PIWIL3: variants seen among roughly 807,000 people sequenced by gnomAD.
PIWIL3 encodes the protein piwi like RNA-mediated gene silencing 3, also known as piwi-like protein 3.
In PIWIL3, 101 loss-of-function variants were observed where a neutral mutation model predicts 109.7. The observed-to-expected ratio is 0.92, with a 90% CI of 0.78 to 1.09. The LOEUF is 1.09. Among genes scored for constraint, PIWIL3 ranks in the 50% least tolerant of loss-of-function variants. The probability of loss-of-function intolerance (pLI) is 0.00; values close to 1 mark genes in which losing one functional copy is unlikely to be tolerated. For synonymous variants in PIWIL3, 373 were observed against 376.4 expected (o/e 0.99, Z 0.10); for missense variants, 1,031 against 1,072.6 (o/e 0.96, Z 0.54).
chr22:24,770,739 G>A (rs1314563525), intron 1 of PIWIL3, among the ~76,000 whole-genome samples: 2 of 151,758 alleles, frequency 1.3e-5, no homozygotes, highest in Non-Finnish European at 2.9e-5. Context: ...GGAGGCTGAG[G>A]CAGGAGAATT....
intron 14 of PIWIL3, among the ~76,000 whole-genome samples, chr22:24,729,879 T>C (rs1923230031): frequency 6.6e-6 from 1 of 152,246 alleles, no homozygotes; most frequent in East Asian, 1.9e-4. Context: ...TAGCTTTTGG[T>C]GTTTCATATT....
At chr22:24,760,095 C>T in intron 2 of PIWIL3, 106 bp from the exon 3 acceptor site, 1 of 1,447,008 alleles carries the variant, frequency 6.9e-7, no homozygotes, top group Non-Finnish European at 9.4e-7. Context: ...CTCTGAAAAG[C>T]TCACATTCCA....
chr22:24,751,627 C>T, intron 8 of PIWIL3, 129 bp from the exon 9 acceptor site: 1 of 1,430,036 alleles, frequency 7.0e-7, no homozygotes, highest in Admixed American at 2.6e-5. Flanking sequence ...ATGTAATTCA[C>T]ATACTGTACA....
rs138242348 is a variant in PIWIL3, at chr22:24,727,690, G to A, written c.2009+260C>T. Among the ~76,000 whole-genome samples the A allele has an allele frequency of 6.8e-3, 1,032 of 152,294 alleles. 7 individuals carry two copies. Among genetic ancestry groups the A allele is most frequent in the Non-Finnish European group, 0.011 (749 of 68,028 alleles). On this transcript the variant is annotated intron_variant, in intron 16 of 20. Transcript: ENST00000616349. ...CCAGGTGTCTGATCAGAAGAACCGT[G>A]CAGATAAAGACAGGCATTGTCATAA...
Position 24,719,389 on chromosome 22 carries a change from A to T in PIWIL3, c.*83T>A. 9.0e-7 allele frequency: 1 copy of T among 1,108,194 alleles called. No individual in the cohort carries two copies. The highest frequency in any genetic ancestry group is 1.3e-6 in the Non-Finnish European group (1 of 771,990). The allele number at this position is 1,108,194 out of a possible 1,614,324, so 68.6% of individuals were successfully genotyped here. On this transcript the variant is annotated 3_prime_UTR_variant, in exon 21 of 21. Transcript: ENST00000616349. ...AGAATTTAATGCTATGGACCTAGGA[A>T]AATATTTCAGACATCCTGCTTCAAA...
rs1483601467 is a variant in PIWIL3, at chr22:24,749,449, C to G, written c.1289G>C (p.Arg430Thr). 1 of 1,613,868 alleles carries G rather than the reference C, an allele frequency of 6.2e-7. No homozygotes were observed. The highest frequency in any genetic ancestry group is 1.3e-5 in the African/African-American group (1 of 75,030). ...ELAKHTRLSPRRRHHTLKEFI... is the reference protein window; with the variant it reads ...ELAKHTRLSPTRRHHTLKEFI... Reference sequence around the variant, plus strand: ...TTCTTTTAATGTATGATGCCTTCTTCTTGGACTCAATCTTGTATGTTTAGC... The same window carrying G: ...TTCTTTTAATGTATGATGCCTTCTTGTTGGACTCAATCTTGTATGTTTAGC... The change falls in exon 11 of 21, where the codon AGA becomes ACA. Residue 430 changes from arginine to threonine, a missense_variant. Arg to Thr is a moderately conservative substitution (Grantham distance 71). Transcript: ENST00000616349.
rs138413643 is a variant in PIWIL3 at position 24,751,106 on chromosome 22, G to A, written c.1089+281C>T. ...GCCACTGCATTCCAGCCTGGGAGAC[G>A]GAACGAGACTCCAACTCAAAAAAAA... On this transcript the variant is annotated intron_variant, in intron 9 of 20. Transcript: ENST00000616349. 2.5e-4 allele frequency among the ~76,000 whole-genome samples: 38 copies of A among 151,564 alleles called. No individual in the cohort carries two copies. In the East Asian group the frequency reaches 6.7e-3, roughly 27 times the overall value.
chr22:24,732,191 G>A (rs899039659), intron 14 of PIWIL3, among the ~76,000 whole-genome samples: 1 of 152,146 alleles, frequency 6.6e-6, no homozygotes, highest in Non-Finnish European at 1.5e-5. Context: ...ACACAGCCTT[G>A]TTCTGCCTTT....
At chr22:24,761,950 C>T in intron 2 of PIWIL3, 5 of 986,634 alleles carry the variant, frequency 5.1e-6, no homozygotes, top group Non-Finnish European at 4.8e-6. Context: ...CCCCGCAGCG[C>T]CACTATGGAT....
chr22:24,748,897 AC>A lies in PIWIL3; in HGVS notation c.1449+9del. ...CCCACCATGACATGATGATTTTGAA[AC>A]TGTCTTACCATTCTTCTGCCTTGCA... On this transcript the variant is annotated intron_variant, in intron 12 of 20. Transcript: ENST00000616349. The A allele has an allele frequency of 6.3e-7, 1 of 1,590,548 alleles. No individual in the cohort carries two copies. Among genetic ancestry groups the A allele is most frequent in the Non-Finnish European group, 8.6e-7 (1 of 1,166,882 alleles).
intron 12 of PIWIL3, among the ~76,000 whole-genome samples, chr22:24,744,178 T>TTAAAAAAAAAAAAAA (rs1924180538): frequency 0.016 from 540 of 34,322 alleles, 187 homozygotes; most frequent in East Asian, 0.023. Flanking sequence ...GTGACCGAAT[T>TTAAAAAAAAAAAAAA]AAAAAAAAAA....
intron 14 of PIWIL3, among the ~76,000 whole-genome samples, chr22:24,730,083 C>T (rs537906603): frequency 2.0e-5 from 3 of 152,074 alleles, no homozygotes; most frequent in Non-Finnish European, 4.4e-5. Flanking sequence ...AACAGCATCA[C>T]CGGCTGGGCG....
chr22:24,737,865 T>C (rs2147670590), intron 12 of PIWIL3, among the ~76,000 whole-genome samples: 1 of 152,092 alleles, frequency 6.6e-6, no homozygotes, highest in Non-Finnish European at 1.5e-5. Flanking sequence ...CCTCTATGTG[T>C]AGAAAGAGAA....
At chr22:24,769,147 C>T (rs1405199132) in intron 1 of PIWIL3, among the ~76,000 whole-genome samples, 1 of 152,184 alleles carries the variant, frequency 6.6e-6, no homozygotes, top group South Asian at 2.1e-4. Context: ...TTGTATACAT[C>T]CTATGCACAT....
chr22:24,726,712 A>AT (rs975861811), intron 16 of PIWIL3, among the ~76,000 whole-genome samples: 1 of 152,246 alleles, frequency 6.6e-6, no homozygotes, highest in Non-Finnish European at 1.5e-5. Flanking sequence ...TTTCCCTATG[A>AT]TTGCAACGCT....
At position 24,724,978 on chromosome 22, in the gene PIWIL3, G is replaced by C. The variant is rs752254479; in HGVS notation, c.2140C>G (p.Arg714Gly). The change falls in exon 18 of 21, where the codon CGG becomes GGG. Residue 714 changes from arginine (R) to glycine (G), a missense_variant. Coordinates refer to ENST00000616349, the MANE Select transcript of PIWIL3 (RefSeq NM_001255975.1). ...SSMPHSVIVYRDGVGDGQLQA... is the reference protein window; with the variant it reads ...SSMPHSVIVYGDGVGDGQLQA... ...AGCTGACCATCTCCCACTCCATCCC[G>C]ATACACAATAACAGAATGTGGCATC... is the stretch of plus-strand genomic sequence containing the variant. The C allele has an allele frequency of 5.0e-6, 8 of 1,614,096 alleles. No homozygotes were observed. Among genetic ancestry groups the C allele is most frequent in the Non-Finnish European group, 6.8e-6 (8 of 1,179,998 alleles).
chr22:24,766,725 T>C (rs1171572613), intron 1 of PIWIL3, among the ~76,000 whole-genome samples: 2 of 152,116 alleles, frequency 1.3e-5, no homozygotes, highest in Non-Finnish European at 2.9e-5. Context: ...ATGAGAGAAA[T>C]AGTTAGTTAT....
intron 12 of PIWIL3, among the ~76,000 whole-genome samples, chr22:24,743,607 G>A (rs531407887): frequency 2.6e-5 from 4 of 152,272 alleles, no homozygotes; most frequent in African/African-American, 9.6e-5. Context: ...ACTCATAAGT[G>A]GGAGCTGAAC....
chr22:24,749,853 AG>A (rs1924600618), intron 9 of PIWIL3, 34 bp from the exon 10 acceptor site: 1 of 1,613,934 alleles, frequency 6.2e-7, no homozygotes, highest in Non-Finnish European at 8.5e-7. Flanking sequence ...CATGACCATC[AG>A]TGAAACCTTA....
Sources: gnomAD v4.1 joint callset for allele counts (sites outside exome capture counted in the v4.1 genomes callset) on GRCh38, gnomAD v4.1.1 for gene constraint, MANE v1.5 for transcripts, NCBI Gene and HGNC (gene_info 2026-07-23, HGNC 2026-07-21) for gene names.